The following ZFAND3 variants were observed in gnomAD, a reference collection of about 807,000 sequenced individuals.
ZFAND3 encodes the protein zinc finger AN1-type containing 3, also known as AN1-type zinc finger protein 3.
In ZFAND3, 10 loss-of-function variants were observed where a neutral mutation model predicts 29.6. The observed-to-expected ratio is 0.34, with a 90% confidence interval of 0.21 to 0.57. ZFAND3 has a LOEUF of 0.57. Among genes scored for constraint, ZFAND3 ranks in the 20% least tolerant of loss-of-function variants. The pLI is 0.86. For synonymous variants in ZFAND3, 128 were observed against 112.6 expected (o/e 1.14, Z -0.87); for missense variants, 230 against 304.5 (o/e 0.76, Z 1.82).
chr6:37,965,828 C>T (rs1762282446), intron 2 of ZFAND3, among the ~76,000 whole-genome samples: 1 of 152,154 alleles, frequency 6.6e-6, no homozygotes, highest in South Asian at 2.1e-4. Context: ...ATGGCATGAT[C>T]ATGGCTCACT....
intron 5 of ZFAND3, among the ~76,000 whole-genome samples, chr6:38,121,067 G>GT (rs1377802060): frequency 1.3e-5 from 2 of 152,194 alleles, no homozygotes; most frequent in African/African-American, 4.8e-5. Context: ...TCAAGCTTGA[G>GT]TAGGGGCCTG....
intron 2 of ZFAND3, among the ~76,000 whole-genome samples, chr6:38,040,557 A>G (rs566316930): frequency 1.3e-5 from 2 of 152,342 alleles, no homozygotes; most frequent in South Asian, 4.1e-4. Flanking sequence ...TACAGCATTT[A>G]AAAACATAAA....
chr6:38,146,578 C>T (rs1447376502), intron 5 of ZFAND3, among the ~76,000 whole-genome samples: 1 of 152,218 alleles, frequency 6.6e-6, no homozygotes, highest in African/African-American at 2.4e-5. Context: ...CTGCAGCTTC[C>T]TCCTGGACCA....
At chr6:37,857,977 C>T (rs1764414875) in intron 1 of ZFAND3, among the ~76,000 whole-genome samples, 1 of 152,078 alleles carries the variant, frequency 6.6e-6, no homozygotes, top group Non-Finnish European at 1.5e-5. Context: ...ATTGTGCATT[C>T]ACTCTGGGTC....
chr6:37,937,694 C>T (rs1761729043), intron 2 of ZFAND3, among the ~76,000 whole-genome samples: 1 of 148,490 alleles, frequency 6.7e-6, no homozygotes, highest in African/African-American at 2.5e-5. Flanking sequence ...GTAACTGCTG[C>T]TCTTAAGACG....
Position 38,059,967 on chromosome 6 carries a change from C to A in ZFAND3, c.113-1626C>A, listed in dbSNP as rs149796829. On this transcript the variant is annotated intron_variant, in intron 2 of 5. Coordinates refer to ENST00000287218, the MANE Select transcript of ZFAND3 (RefSeq NM_021943.3). ...TTTTGTGTGAGCGTTACATTAAAAT[C>A]GTCCCCTGTAGGAAATTTGTCAGTT... Among the ~76,000 whole-genome samples, 15 of 152,274 alleles carry A rather than the reference C, an allele frequency of 9.9e-5. 1 individual carries two copies. The highest frequency in any genetic ancestry group is 3.3e-4 in the Admixed American group (5 of 15,302).
chr6:38,149,316 G>A (rs1369024816), intron 5 of ZFAND3, among the ~76,000 whole-genome samples: 1 of 151,382 alleles, frequency 6.6e-6, no homozygotes, highest in Non-Finnish European at 1.5e-5. Context: ...GGAGGCTGAA[G>A]CAGGAAGACC....
At chr6:38,146,087 G>A (rs558135102) in intron 5 of ZFAND3, among the ~76,000 whole-genome samples, 4 of 152,332 alleles carry the variant, frequency 2.6e-5, no homozygotes, top group Admixed American at 1.3e-4. Context: ...GCGGGGCCCC[G>A]GGATGACAGC....
chr6:37,890,844 A>G (rs1174398562), intron 1 of ZFAND3, among the ~76,000 whole-genome samples: 1 of 152,236 alleles, frequency 6.6e-6, no homozygotes, highest in African/African-American at 2.4e-5. Flanking sequence ...GAAACAATTT[A>G]AACTATCTTG....
intron 2 of ZFAND3, among the ~76,000 whole-genome samples, chr6:38,037,955 C>G (rs1164441791): frequency 1.3e-5 from 2 of 152,114 alleles, no homozygotes; most frequent in African/African-American, 2.4e-5. Context: ...TTCACATGAT[C>G]TTGGTATGTA....
At chr6:37,913,636 A>G (rs1765561797) in intron 1 of ZFAND3, among the ~76,000 whole-genome samples, 1 of 151,952 alleles carries the variant, frequency 6.6e-6, no homozygotes, top group South Asian at 2.1e-4. Flanking sequence ...CTTAAGGGCA[A>G]CTAGAATGGT....
intron 2 of ZFAND3, among the ~76,000 whole-genome samples, chr6:38,044,228 A>G (rs1036623213): frequency 1.3e-5 from 2 of 152,202 alleles, no homozygotes; most frequent in Non-Finnish European, 2.9e-5. Flanking sequence ...CCCTTTTCAC[A>G]CTTTTCCTTA....
intron 3 of ZFAND3, chr6:38,062,511 T>G (rs2127463919): frequency 6.6e-6 from 1 of 152,210 alleles, no homozygotes; most frequent in Non-Finnish European, 1.5e-5. Context: ...GCCTCCTGAG[T>G]AGCTGGCATT....
At chr6:37,878,629 G>C (rs1166975377) in intron 1 of ZFAND3, among the ~76,000 whole-genome samples, 4 of 152,332 alleles carry the variant, frequency 2.6e-5, no homozygotes, top group African/African-American at 9.6e-5. Context: ...CTCCTCCTCT[G>C]CTGGCCGAGG....
intron 5 of ZFAND3, among the ~76,000 whole-genome samples, chr6:38,134,006 C>T (rs549245544): frequency 3.4e-4 from 51 of 152,238 alleles, no homozygotes; most frequent in African/African-American, 8.7e-4. Flanking sequence ...ACCACTTCCC[C>T]GTTTCAGAGA....
intron 4 of ZFAND3, among the ~76,000 whole-genome samples, chr6:38,082,808 G>A (rs1764689272): frequency 6.6e-6 from 1 of 152,174 alleles, no homozygotes; most frequent in African/African-American, 2.4e-5. Context: ...TAGTTTTAAT[G>A]TAGAAAATCA....
chr6:37,976,924 A>G (rs1762489001), intron 2 of ZFAND3, among the ~76,000 whole-genome samples: 1 of 152,194 alleles, frequency 6.6e-6, no homozygotes, highest in African/African-American at 2.4e-5. Flanking sequence ...GGGGACACAG[A>G]GCCAAACCAT....
At chr6:38,088,724 A>T (rs543017957) in intron 4 of ZFAND3, among the ~76,000 whole-genome samples, 1 of 152,328 alleles carries the variant, frequency 6.6e-6, no homozygotes, top group Admixed American at 6.5e-5. Context: ...TGTTGAGTAG[A>T]TAATATTCTC....
chr6:38,130,101 C>A (rs1765714506), intron 5 of ZFAND3, among the ~76,000 whole-genome samples: 1 of 151,714 alleles, frequency 6.6e-6, no homozygotes, highest in African/African-American at 2.4e-5. Context: ...GTTTTTGCAC[C>A]TATTGTAAAA....
Sources: gnomAD v4.1 joint callset for allele counts (sites outside exome capture counted in the v4.1 genomes callset) on GRCh38, gnomAD v4.1.1 for gene constraint, MANE v1.5 for transcripts, NCBI Gene and HGNC (gene_info 2026-07-23, HGNC 2026-07-21) for gene names.